The following GPC6 variants were observed in gnomAD, a reference collection of about 807,000 sequenced individuals.
GPC6 encodes glypican 6, also known as glypican-6.
GPC6 carries 14 observed loss-of-function variants against 55.2 expected under a neutral mutation model. The observed-to-expected ratio is 0.25, with a 90% confidence interval of 0.17 to 0.40. The LOEUF is 0.40. GPC6 is among the 10% of genes least tolerant of loss of function. GPC6 has a pLI of 1.00. For synonymous variants in GPC6, 278 were observed against 259.6 expected (o/e 1.07, Z -0.68); for missense variants, 641 against 708.5 (o/e 0.90, Z 1.08).
In GPC6 at chr13:94,382,676, C is replaced by T. The variant is rs569724065; in HGVS notation, c.1289+126C>T. 27 of 1,239,888 alleles carry T rather than the reference C, an allele frequency of 2.2e-5. No homozygotes were observed. The East Asian group carries it at 6.1e-4, about 28-fold the overall frequency. 76.8% of individuals were successfully genotyped at this position (1,239,888 alleles called of 1,614,324 possible). A position where few individuals can be genotyped will look rare whatever the true frequency, so the allele number is the denominator to read the frequency against. ...CAGAGGGTGGAGGGACAAGTCATCA[C>T]TTAGCAACAGCTGTTGAGAGTGACA... is the stretch of plus-strand genomic sequence containing the variant. On this transcript the variant is annotated intron_variant, in intron 7 of 8. Transcript: ENST00000377047.
chr13:93,267,244 T>A (rs1877354179), intron 1 of GPC6, among the ~76,000 whole-genome samples: 1 of 152,130 alleles, frequency 6.6e-6, no homozygotes. Context: ...AGGATAAAAA[T>A]TTTTAGAAAT....
intron 2 of GPC6, among the ~76,000 whole-genome samples, chr13:93,643,420 G>A (rs1880043993): frequency 2.0e-5 from 3 of 152,070 alleles, no homozygotes; most frequent in Non-Finnish European, 4.4e-5. Context: ...ATTTTTACAA[G>A]TACAAGGGAG....
At chr13:94,032,917 C>G (rs1371097708) in intron 4 of GPC6, among the ~76,000 whole-genome samples, 1 of 152,154 alleles carries the variant, frequency 6.6e-6, no homozygotes, top group Admixed American at 6.5e-5. Context: ...GAAGTGGGCA[C>G]TATTCACTGA....
intron 1 of GPC6, among the ~76,000 whole-genome samples, chr13:93,380,443 T>C (rs1875113576): frequency 6.6e-6 from 1 of 152,184 alleles, no homozygotes; most frequent in African/African-American, 2.4e-5. Flanking sequence ...CTAGAATACA[T>C]CCCAGGGTGA....
At chr13:93,499,688 A>G (rs1300597588) in intron 1 of GPC6, among the ~76,000 whole-genome samples, 1 of 152,206 alleles carries the variant, frequency 6.6e-6, no homozygotes, top group Non-Finnish European at 1.5e-5. Context: ...AGTGGACGAC[A>G]TGCTGATTTC....
chr13:93,605,465 G>A (rs1267135558), intron 2 of GPC6, among the ~76,000 whole-genome samples: 3 of 152,106 alleles, frequency 2.0e-5, no homozygotes, highest in Non-Finnish European at 4.4e-5. Flanking sequence ...TTCTATATCA[G>A]GATAACCTGG....
intron 4 of GPC6, among the ~76,000 whole-genome samples, chr13:94,087,660 C>T (rs1042713532): frequency 4.6e-5 from 7 of 152,190 alleles, no homozygotes; most frequent in African/African-American, 1.7e-4. Context: ...AGTTAACAAA[C>T]CATAAAATCA....
At chr13:93,712,174 T>G (rs1883090578) in intron 2 of GPC6, among the ~76,000 whole-genome samples, 1 of 151,756 alleles carries the variant, frequency 6.6e-6, no homozygotes, top group African/African-American at 2.4e-5. Flanking sequence ...TATAGCAGCA[T>G]TTTATCAGAT....
chr13:94,000,318 T>A lies in GPC6; in HGVS notation c.712-27411T>A, dbSNP rs1881743081. ...TACTGAAAATAAACCACCTTTGAAA[T>A]CCATTTATACTCTGGCATGTGTGTT... On this transcript the variant is annotated intron_variant, in intron 3 of 8. Coordinates refer to ENST00000377047, the MANE Select transcript of GPC6 (RefSeq NM_005708.5). Among the ~76,000 whole-genome samples the A allele has an allele frequency of 2.6e-5, 4 of 152,192 alleles. No individual in the cohort carries two copies. The South Asian group carries it at 8.3e-4, about 32-fold the overall frequency.
At chr13:94,155,262 T>C (rs567065144) in intron 4 of GPC6, among the ~76,000 whole-genome samples, 1 of 152,224 alleles carries the variant, frequency 6.6e-6, no homozygotes, top group East Asian at 1.9e-4. Flanking sequence ...TCGAGTTTTC[T>C]ATTAATGGCC....
chr13:94,078,952 A>T (rs1042037737), intron 4 of GPC6, among the ~76,000 whole-genome samples: 1 of 152,020 alleles, frequency 6.6e-6, no homozygotes, highest in Non-Finnish European at 1.5e-5. Flanking sequence ...AGAAAAAAAA[A>T]TTTTAGGTAA....
chr13:94,407,168 C>G lies in GPC6; in HGVS notation c.*3951C>G, dbSNP rs1239283421. The G allele has an allele frequency of 6.6e-6, 1 of 152,006 alleles. No homozygotes were observed. Among genetic ancestry groups the G allele is most frequent in the Non-Finnish European group, 1.5e-5 (1 of 67,944 alleles). The allele number at this position is 152,006 out of a possible 1,614,324, so 9.4% of individuals were successfully genotyped here. A position where few individuals can be genotyped will look rare whatever the true frequency, so the allele number is the denominator to read the frequency against. On this transcript the variant is annotated 3_prime_UTR_variant, in exon 9 of 9. Transcript: ENST00000377047. ...TTCAAAGTTGAGTAGTTACTGGAAC[C>G]TTTGACATTGCCTTGTAATGAGGTA...
At chr13:94,339,478 G>T (rs1312815246) in intron 6 of GPC6, among the ~76,000 whole-genome samples, 8 of 152,154 alleles carry the variant, frequency 5.3e-5, no homozygotes, top group Non-Finnish European at 1.2e-4. Context: ...GATAGTCAGG[G>T]ATACAGCCTC....
At chr13:94,250,081 A>G (rs1891304896) in intron 4 of GPC6, among the ~76,000 whole-genome samples, 1 of 152,190 alleles carries the variant, frequency 6.6e-6, no homozygotes, top group African/African-American at 2.4e-5. Context: ...AAGCATTAAT[A>G]AATGCCAAGC....
chr13:94,348,034 A>G (rs1878371842), intron 6 of GPC6, among the ~76,000 whole-genome samples: 1 of 152,246 alleles, frequency 6.6e-6, no homozygotes, highest in African/African-American at 2.4e-5. Context: ...GCCAAGTGCC[A>G]TGAAGGACAT....
chr13:93,838,019 T>C (rs1887805905), intron 3 of GPC6, among the ~76,000 whole-genome samples: 1 of 152,226 alleles, frequency 6.6e-6, no homozygotes. Flanking sequence ...ATGAAAACCA[T>C]CTATTTCACT....
At chr13:94,280,723 A>G (rs1892354710) in intron 4 of GPC6, among the ~76,000 whole-genome samples, 1 of 152,150 alleles carries the variant, frequency 6.6e-6, no homozygotes, top group African/African-American at 2.4e-5. Flanking sequence ...TGGGGAAAAT[A>G]TCTTGGTTAA....
chr13:94,032,053 G>A (rs1432276954), intron 4 of GPC6, among the ~76,000 whole-genome samples: 1 of 152,160 alleles, frequency 6.6e-6, no homozygotes, highest in East Asian at 1.9e-4. Flanking sequence ...CAAAGGCAGG[G>A]ATTCTGTATT....
chr13:93,933,940 G>A (rs1277702198), intron 3 of GPC6, among the ~76,000 whole-genome samples: 3 of 152,158 alleles, frequency 2.0e-5, no homozygotes, highest in Non-Finnish European at 2.9e-5. Context: ...CTCAGAAAAG[G>A]GTTTTCAAGG....
Sources: allele counts gnomAD v4.1 joint callset (sites outside exome capture counted in the v4.1 genomes callset), GRCh38; gene constraint gnomAD v4.1.1; transcripts MANE v1.5; gene names NCBI Gene and HGNC (gene_info 2026-07-23, HGNC 2026-07-21).